The following ZNF286A variants were observed in gnomAD, a reference collection of about 807,000 sequenced individuals.
The protein encoded by ZNF286A is zinc finger protein ZNF286.
A neutral mutation model predicts 49.3 loss-of-function variants in ZNF286A; 34 were observed. The ratio of observed to expected loss-of-function variants is 0.69; its 90% CI spans 0.52 to 0.92. The LOEUF (loss-of-function observed/expected upper bound fraction) is 0.92, where lower values mean the gene tolerates loss of function less well. Ranked by LOEUF, ZNF286A falls within the 40% of genes least tolerant of loss-of-function variation. The probability of loss-of-function intolerance (pLI) is 0.00; values close to 1 mark genes in which losing one functional copy is unlikely to be tolerated. For missense variants in ZNF286A, 462 were observed against 600.2 expected, an observed-to-expected ratio of 0.77 and a Z score of 2.41; for synonymous variants, 155 against 200.4, an observed-to-expected ratio of 0.77 and a Z score of 1.91.
chr17:15,699,784 T>C lies in ZNF286A; in HGVS notation c.-196+7T>C. 1.4e-6 allele frequency: 1 copy of C among 702,908 alleles called. No homozygotes were observed. The highest frequency in any genetic ancestry group is 1.5e-5 in the South Asian group (1 of 67,596). The allele number at this position is 702,908 out of a possible 1,614,324, so 43.5% of individuals were successfully genotyped here. On this transcript the variant is annotated splice_region_variant and intron_variant, in intron 1 of 5. Coordinates refer to ENST00000583566, the MANE Select transcript of ZNF286A (RefSeq NM_001130842.2). ...GTGAGGCCCGGGATGGGAGGTGAGT[T>C]GCTTGTGGTGATGTCGCTCGTCTCG...
intron 3 of ZNF286A, among the ~76,000 whole-genome samples, chr17:15,702,734 CTT>C (rs1989880350): frequency 1.3e-5 from 2 of 152,210 alleles, no homozygotes; most frequent in African/African-American, 2.4e-5. Flanking sequence ...GTCTTGAAGA[CTT>C]TATTAGTCAA....
intron 5 of ZNF286A, 74 bp downstream of exon 5, chr17:15,708,321 A>G: frequency 8.2e-7 from 1 of 1,223,388 alleles, no homozygotes; most frequent in Non-Finnish European, 1.1e-6. Flanking sequence ...TCAGTGCTTA[A>G]GAAAGTGCCT....
At chr17:15,701,003 G>A (rs1467847414) in intron 2 of ZNF286A, 149 bp from the exon 3 acceptor site, 2 of 569,390 alleles carry the variant, frequency 3.5e-6, no homozygotes, top group Non-Finnish European at 6.4e-6. Context: ...CCGGGAAGAG[G>A]GTCCTGGGAG....
At chr17:15,705,195 G>A (rs987944548) in intron 3 of ZNF286A, among the ~76,000 whole-genome samples, 4 of 152,122 alleles carry the variant, frequency 2.6e-5, no homozygotes, top group Non-Finnish European at 4.4e-5. Context: ...CAAAGAACTT[G>A]TATATGCTTC....
Position 15,707,005 on chromosome 17 carries a change from C to A in ZNF286A, c.241+504C>A, listed in dbSNP as rs200064099. Among the ~76,000 whole-genome samples the A allele has an allele frequency of 2.6e-5, 4 of 152,182 alleles. No individual in the cohort carries two copies. In the East Asian group the frequency reaches 7.7e-4, roughly 29 times the overall value. ...TCAGTGAAACAATCTCTAGAGCCAG[C>A]GAGATTGAGTACTCTGTGGCCAGTT... On this transcript the variant is annotated intron_variant, in intron 4 of 5. Transcript: ENST00000583566.
At chr17:15,712,627 C>T (rs1175458087) in intron 5 of ZNF286A, among the ~76,000 whole-genome samples, 1 of 152,164 alleles carries the variant, frequency 6.6e-6, no homozygotes, top group Non-Finnish European at 1.5e-5. Flanking sequence ...CTGTATTTAC[C>T]TAATTATATT....
rs1313797427 is a variant in ZNF286A, at chr17:15,718,834, A to G, written c.*1544A>G. On this transcript the variant is annotated 3_prime_UTR_variant, in exon 6 of 6. Transcript: ENST00000583566. ...TGGCTCATGGTTCCATGGGCTGTAC[A>G]GGAAGTATGACTGGGGAGGTCTCAG... The G allele has an allele frequency of 6.9e-6, 1 of 145,126 alleles. No individual in the cohort carries two copies. Among genetic ancestry groups the G allele is most frequent in the Non-Finnish European group, 1.5e-5 (1 of 66,948 alleles). The allele number at this position is 145,126 out of a possible 1,614,324, so 9.0% of individuals were successfully genotyped here.
In ZNF286A at chr17:15,717,135, T is replaced by C; in HGVS notation, c.1411T>C (p.Cys471Arg). The change falls in exon 6 of 6, where the codon TGT (cysteine) becomes CGT (arginine). Residue 471 changes from cysteine to arginine, a missense_variant. Around this residue, in one of 3 missense-constraint regions of ZNF286A, gnomAD observed 201 missense variants for 311.3 expected, o/e 0.65. Transcript: ENST00000583566. ...AAAGAAACCGTACAAATGTAGCGAG[T>C]GTGGAAAAGCCTTCATTCATTCATC... ...IGKKPYKCSE[C>R]GKAFIHSSAL... 1 of 1,613,660 alleles carries C rather than the reference T, an allele frequency of 6.2e-7. No individual in the cohort carries two copies. Among genetic ancestry groups the C allele is most frequent in the Non-Finnish European group, 8.5e-7 (1 of 1,179,890 alleles).
intron 5 of ZNF286A, among the ~76,000 whole-genome samples, chr17:15,708,640 G>A (rs1055952190): frequency 3.9e-5 from 6 of 152,134 alleles, no homozygotes; most frequent in African/African-American, 1.4e-4. Flanking sequence ...TCTCCCAAGG[G>A]TCACCTTATC....
intron 5 of ZNF286A, among the ~76,000 whole-genome samples, chr17:15,709,375 C>G (rs1990476254): frequency 6.6e-6 from 1 of 150,992 alleles, no homozygotes; most frequent in African/African-American, 2.4e-5. Flanking sequence ...ACCTGTAATC[C>G]TAGCTACTTG....
In ZNF286A at chr17:15,716,180, G is replaced by A. The variant is rs1597733055; in HGVS notation, c.456G>A (p.Leu152=). ...LTRNSVYDSN[L]EAALECENWL... Reference sequence around the variant, plus strand: ...GGAATAGTGTCTATGACTCTAACTTGGAAGCAGCCCTTGAATGTGAAAATT... The same window carrying A: ...GGAATAGTGTCTATGACTCTAACTTAGAAGCAGCCCTTGAATGTGAAAATT... Residue 152 remains leucine (L), a synonymous_variant, in exon 6 of 6, where the codon TTG becomes TTA. Coordinates refer to ENST00000583566, the MANE Select transcript of ZNF286A (RefSeq NM_001130842.2). The A allele has an allele frequency of 5.0e-6, 8 of 1,613,876 alleles. No individual in the cohort carries two copies. The African/African-American group carries it at 6.7e-5, about 13-fold the overall frequency.
At chr17:15,704,432 C>A (rs563842122) in intron 3 of ZNF286A, 2 of 1,609,034 alleles carry the variant, frequency 1.2e-6, no homozygotes, top group East Asian at 2.2e-5. Context: ...CCGCCGGCGC[C>A]CCCGTGGATC....
chr17:15,699,831 C>T (rs1245183606), intron 1 of ZNF286A, 54 bp downstream of exon 1: 2 of 702,574 alleles, frequency 2.8e-6, no homozygotes, highest in South Asian at 1.5e-5. Flanking sequence ...GCGGTGGTTC[C>T]CCGGGTCGTT....
intron 5 of ZNF286A, among the ~76,000 whole-genome samples, chr17:15,712,449 C>T (rs1990744388): frequency 1.3e-5 from 2 of 152,200 alleles, no homozygotes; most frequent in Non-Finnish European, 2.9e-5. Flanking sequence ...TACTTCAATA[C>T]AACATGTTTA....
intron 5 of ZNF286A, among the ~76,000 whole-genome samples, chr17:15,713,640 T>G (rs1966883821): frequency 6.6e-6 from 1 of 151,678 alleles, no homozygotes; most frequent in South Asian, 2.1e-4. Flanking sequence ...TTGAAATCTA[T>G]CAATCTTTTG....
chr17:15,709,832 C>T (rs990403079), intron 5 of ZNF286A: 2 of 1,547,076 alleles, frequency 1.3e-6, no homozygotes, highest in Admixed American at 2.0e-5. Context: ...CAGTGATCAT[C>T]CTTTTTTTGA....
intron 3 of ZNF286A, among the ~76,000 whole-genome samples, chr17:15,703,581 A>AT (rs1283698738): frequency 6.6e-6 from 1 of 151,692 alleles, no homozygotes. Flanking sequence ...TACTATGTAT[A>AT]TTTTTTCACA....
In ZNF286A at chr17:15,717,432, T is replaced by G. The variant is rs1967125348; in HGVS notation, c.*142T>G. ...AATTTCATTTGCGTAATACATAGTTTTGAGCCATAAGCAGGTTCTTTATGT... is the reference window on the plus strand; with the variant it reads ...AATTTCATTTGCGTAATACATAGTTGTGAGCCATAAGCAGGTTCTTTATGT... On this transcript the variant is annotated 3_prime_UTR_variant, in exon 6 of 6. Transcript: ENST00000583566. The G allele has an allele frequency of 2.9e-5, 41 of 1,401,092 alleles. No homozygotes were observed. The highest frequency in any genetic ancestry group is 3.7e-5 in the Non-Finnish European group (39 of 1,056,180). The allele number at this position is 1,401,092 out of a possible 1,614,324, so 86.8% of individuals were successfully genotyped here. A position where few individuals can be genotyped will look rare whatever the true frequency, so the allele number is the denominator to read the frequency against.
chr17:15,712,658 A>T (rs9901530), intron 5 of ZNF286A, among the ~76,000 whole-genome samples: 109,380 of 150,450 alleles, frequency 0.73, 38,260 homozygotes, highest in South Asian at 0.86. Flanking sequence ...CTTCACTGTT[A>T]ATTTTCCTTC....
Sources: gnomAD v4.1 joint callset for allele counts (sites outside exome capture counted in the v4.1 genomes callset) on GRCh38, gnomAD v4.1.1 for gene constraint, gnomAD v4.1.1 regional missense constraint, MANE v1.5 for transcripts, NCBI Gene and HGNC (gene_info 2026-07-23, HGNC 2026-07-21) for gene names.